ZNF326: variants seen among roughly 807,000 people sequenced by gnomAD.
The protein encoded by ZNF326 is zinc finger protein 326.
Under a neutral mutation model 63.1 loss-of-function variants are expected in ZNF326, and 30 were observed. The observed-to-expected ratio is 0.48, with a 90% CI of 0.36 to 0.64. The LOEUF (loss-of-function observed/expected upper bound fraction) is 0.64. Ranked by LOEUF, ZNF326 falls within the 30% of genes least tolerant of loss-of-function variation. The probability of loss-of-function intolerance (pLI) is 0.00; values close to 1 mark genes in which losing one functional copy is unlikely to be tolerated. For missense variants in ZNF326, 609 were observed against 720.3 expected (o/e 0.85, Z 1.77); for synonymous variants, 194 against 228.2 (o/e 0.85, Z 1.35).
chr1:90,026,107 G>A (rs1384139940), intron 11 of ZNF326, among the ~76,000 whole-genome samples: 1 of 152,068 alleles, frequency 6.6e-6, no homozygotes, highest in Non-Finnish European at 1.5e-5. Flanking sequence ...GGGACTACAG[G>A]TGCCTGCTAC....
In ZNF326 at chr1:90,033,980, T is replaced by C. The variant is rs938247736; in HGVS notation, c.*6279T>C. On this transcript the variant is annotated 3_prime_UTR_variant, in exon 12 of 12. Transcript: ENST00000340281. ...AAATCTTCTGATGAAAGATTCATAT[T>C]AGAAGTCTCCAGTGCTGAGCAAAAA... 1 of 152,028 alleles carries C rather than the reference T, an allele frequency of 6.6e-6. No homozygotes were observed. The highest frequency in any genetic ancestry group is 2.4e-5 in the African/African-American group (1 of 41,398). The allele number at this position is 152,028 out of a possible 1,614,324, so 9.4% of individuals were successfully genotyped here. A position where few individuals can be genotyped will look rare whatever the true frequency, so the allele number is the denominator to read the frequency against.
chr1:89,995,139 T>C lies in ZNF326; in HGVS notation c.-119T>C. 9 of 1,282,404 alleles carry C rather than the reference T, an allele frequency of 7.0e-6. No individual in the cohort carries two copies. The highest frequency in any genetic ancestry group is 1.3e-5 in the South Asian group (1 of 74,976). 79.4% of individuals were successfully genotyped at this position (1,282,404 alleles called of 1,614,324 possible). A position where few individuals can be genotyped will look rare whatever the true frequency, so the allele number is the denominator to read the frequency against. On this transcript the variant is annotated 5_prime_UTR_variant, in exon 1 of 12. Transcript: ENST00000340281. ...TCGCTGTGGCCTGCGGCTCCCGGGC[T>C]GGTAGCGCGCCGCTCTCGGTCGCGC...
At chr1:90,014,965 T>C (rs1205362814) in intron 7 of ZNF326, among the ~76,000 whole-genome samples, 1 of 152,206 alleles carries the variant, frequency 6.6e-6, no homozygotes, top group Non-Finnish European at 1.5e-5. Flanking sequence ...ATTATGTTCA[T>C]GTTAATATAA....
At chr1:90,019,649 C>T (rs1354198755) in intron 9 of ZNF326, among the ~76,000 whole-genome samples, 1 of 152,004 alleles carries the variant, frequency 6.6e-6, no homozygotes, top group Non-Finnish European at 1.5e-5. Flanking sequence ...TTTTATATTC[C>T]TTCCTAATAA....
intron 6 of ZNF326, among the ~76,000 whole-genome samples, chr1:90,012,042 C>G (rs1649274946): frequency 6.6e-6 from 1 of 152,038 alleles, no homozygotes; most frequent in African/African-American, 2.4e-5. Context: ...GCCATGTTGG[C>G]CAGGCTGTCT....
In ZNF326 at chr1:90,033,385, G is replaced by C. The variant is rs1319076035; in HGVS notation, c.*5684G>C. 6.6e-6 allele frequency: 1 copy of C among 151,864 alleles called. No individual in the cohort carries two copies. Among genetic ancestry groups the C allele is most frequent in the Non-Finnish European group, 1.5e-5 (1 of 67,972 alleles). 9.4% of individuals were successfully genotyped at this position (151,864 alleles called of 1,614,324 possible). A position where few individuals can be genotyped will look rare whatever the true frequency, so the allele number is the denominator to read the frequency against. ...CTTAACAAGCAGAAAGAATTCCTGG[G>C]GAAACAATTCAGGGGGAAAAAATGA... On this transcript the variant is annotated 3_prime_UTR_variant, in exon 12 of 12. Transcript: ENST00000340281.
chr1:89,995,119 GT>G lies in ZNF326; in HGVS notation c.-138del. The G allele has an allele frequency of 4.6e-6, 5 of 1,075,366 alleles. No individual in the cohort carries two copies. The highest frequency in any genetic ancestry group is 6.6e-6 in the Non-Finnish European group (5 of 762,552). The allele number at this position is 1,075,366 out of a possible 1,614,324, so 66.6% of individuals were successfully genotyped here. A position where few individuals can be genotyped will look rare whatever the true frequency, so the allele number is the denominator to read the frequency against. ...TCGGCCCCGCCTCCCCAGCCTCGCT[GT>G]GGCCTGCGGCTCCCGGGCTGGTAGC... is the stretch of plus-strand genomic sequence containing the variant. On this transcript the variant is annotated 5_prime_UTR_variant, in exon 1 of 12. Coordinates refer to ENST00000340281, the MANE Select transcript of ZNF326 (RefSeq NM_182976.4).
At position 90,029,235 on chromosome 1, in the gene ZNF326, CTT is replaced by C. The variant is rs1457500312; in HGVS notation, c.*1538_*1539del. ...TTGTAGAATCCCACAGATAATTTAT[CTT>C]TTTGTGTAAAATAAGGCTTTTAAAA... On this transcript the variant is annotated 3_prime_UTR_variant, in exon 12 of 12. Transcript: ENST00000340281. 6.6e-6 allele frequency: 1 copy of C among 151,042 alleles called. No individual in the cohort carries two copies. The highest frequency in any genetic ancestry group is 1.5e-5 in the Non-Finnish European group (1 of 67,878). The allele number at this position is 151,042 out of a possible 1,614,324, so 9.4% of individuals were successfully genotyped here.
chr1:89,995,931 T>G (rs1031383956), intron 1 of ZNF326, among the ~76,000 whole-genome samples: 2 of 152,232 alleles, frequency 1.3e-5, no homozygotes, highest in Non-Finnish European at 2.9e-5. Context: ...AGCACTTTTC[T>G]TTGGATCGTG....
chr1:90,033,202 A>G lies in ZNF326; in HGVS notation c.*5501A>G, dbSNP rs935982199. On this transcript the variant is annotated 3_prime_UTR_variant, in exon 12 of 12. Coordinates refer to ENST00000340281, the MANE Select transcript of ZNF326 (RefSeq NM_182976.4). ...AGATTTTACATTTTTAAAGGGTTGT[A>G]GAACACCAAAACAATATATGACAGA... The G allele has an allele frequency of 8.5e-5, 13 of 152,204 alleles. No homozygotes were observed. Among genetic ancestry groups the G allele is most frequent in the African/African-American group, 1.9e-4 (8 of 41,466 alleles). The allele number at this position is 152,204 out of a possible 1,614,324, so 9.4% of individuals were successfully genotyped here. A position where few individuals can be genotyped will look rare whatever the true frequency, so the allele number is the denominator to read the frequency against.
intron 11 of ZNF326, among the ~76,000 whole-genome samples, chr1:90,024,095 T>G (rs955298415): frequency 1.3e-5 from 2 of 152,210 alleles, no homozygotes; most frequent in African/African-American, 2.4e-5. Flanking sequence ...TGTTCCCTGT[T>G]GTCATTCCCC....
chr1:90,017,953 G>A lies in ZNF326; in HGVS notation c.1074+489G>A, dbSNP rs139294506. ...GCTTGAGCTGGACTGTTGATTGTAC[G>A]TACAATTAATTTGGACAGAAGAGGT... On this transcript the variant is annotated intron_variant, in intron 8 of 11. Coordinates refer to ENST00000340281, the MANE Select transcript of ZNF326 (RefSeq NM_182976.4). Among the ~76,000 whole-genome samples, 575 of 152,224 alleles carry A rather than the reference G, an allele frequency of 3.8e-3. 5 individuals are homozygous for A. The highest frequency in any genetic ancestry group is 0.013 in the African/African-American group (536 of 41,548).
In ZNF326 at chr1:90,005,185, T is replaced by G. The variant is rs1178494848; in HGVS notation, c.150T>G (p.Asp50Glu). The change falls in exon 4 of 12, where the codon GAT becomes GAG. Residue 50 changes from aspartate to glutamate, a missense_variant. By Grantham distance (45) the Asp-to-Glu change is conservative. Around this residue, in one of 3 missense-constraint regions of ZNF326, gnomAD observed 97 missense variants for 88.7 expected, o/e 1.09. Coordinates refer to ENST00000340281, the MANE Select transcript of ZNF326 (RefSeq NM_182976.4). The part of the protein sequence containing the change: ...HGSYGGQRSM[D>E]SYLNQSYGMD... ...CCTATGGGGGTCAGAGATCCATGGA[T>G]TCCTACCTAAACCAGTCATATGGCA... The G allele has an allele frequency of 6.2e-7, 1 of 1,614,058 alleles. No individual in the cohort carries two copies. The highest frequency in any genetic ancestry group is 1.7e-5 in the Admixed American group (1 of 60,008).
rs1197610989 is a variant in ZNF326, at chr1:90,029,151, T to TATC, written c.*1450_*1451insATC. 1.3e-5 allele frequency: 2 copies of TATC among 152,212 alleles called. No individual in the cohort carries two copies. The highest frequency in any genetic ancestry group is 4.8e-5 in the African/African-American group (2 of 41,452). The allele number at this position is 152,212 out of a possible 1,614,324, so 9.4% of individuals were successfully genotyped here. On this transcript the variant is annotated 3_prime_UTR_variant, in exon 12 of 12. Transcript: ENST00000340281. The stretch of plus-strand genomic sequence containing the variant: ...ATTAGAAAAGTTTTGAGGCATCGAA[T>TATC]GGATAAATGGATGGATATATCAAAT...
intron 5 of ZNF326, among the ~76,000 whole-genome samples, chr1:90,008,098 C>CTTTTTGAG (rs1203157346): frequency 1.6e-4 from 24 of 152,204 alleles, no homozygotes; most frequent in African/African-American, 5.8e-4. Flanking sequence ...TCACTGAACC[C>CTTTTTGAG]TTTTTGAGTT....
rs1403081889 is a variant in ZNF326, at chr1:90,034,477, A to G, written c.*6776A>G. The G allele has an allele frequency of 6.6e-6, 1 of 152,202 alleles. No individual in the cohort carries two copies. 9.4% of individuals were successfully genotyped at this position (152,202 alleles called of 1,614,324 possible). The stretch of plus-strand genomic sequence containing the variant: ...ATATAGTGCACAAATTTTAATAGCT[A>G]TAGAATATTTGTTTTCAAATGCCAT... On this transcript the variant is annotated 3_prime_UTR_variant, in exon 12 of 12. Transcript: ENST00000340281.
chr1:90,011,480 G>A (rs1180351934), intron 6 of ZNF326, among the ~76,000 whole-genome samples: 2 of 148,748 alleles, frequency 1.3e-5, no homozygotes, highest in Non-Finnish European at 3.0e-5. Context: ...AGGATAAGCA[G>A]TGCATAAAAG....
chr1:90,017,069 C>A (rs1310694470), intron 7 of ZNF326, among the ~76,000 whole-genome samples: 1 of 152,178 alleles, frequency 6.6e-6, no homozygotes, highest in African/African-American at 2.4e-5. Flanking sequence ...ACTTATAGAT[C>A]CCCTGATTCA....
Position 90,017,414 on chromosome 1 carries a change from C to A in ZNF326, c.1024C>A (p.His342Asn). 1 of 1,601,038 alleles carries A rather than the reference C, an allele frequency of 6.2e-7. No individual in the cohort carries two copies. Among genetic ancestry groups the A allele is most frequent in the South Asian group, 1.1e-5 (1 of 87,078 alleles). The change falls in exon 8 of 12, where the codon CAT (histidine) becomes AAT (asparagine). Residue 342 changes from histidine (H) to asparagine (N), a missense_variant. Physicochemically the swap from His to Asn is moderately conservative, Grantham distance 68. Coordinates refer to ENST00000340281, the MANE Select transcript of ZNF326 (RefSeq NM_182976.4). ...TTCTTCACATCAGGAAACATTAGAT[C>A]ATATACAGAAACAAACTAAATTTGA... ...ESSSHQETLD[H>N]IQKQTKFDKV...
Sources: gnomAD v4.1 joint callset for allele counts (sites outside exome capture counted in the v4.1 genomes callset) on GRCh38, gnomAD v4.1.1 for gene constraint, gnomAD v4.1.1 regional missense constraint, MANE v1.5 for transcripts, NCBI Gene and HGNC (gene_info 2026-07-23, HGNC 2026-07-21) for gene names.